Variants in USP6NL observed in about 807,000 individuals in gnomAD.
USP6NL encodes USP6 N-terminal like.
A neutral mutation model predicts 61.9 loss-of-function variants in USP6NL; 26 were observed. That is an observed-to-expected ratio of 0.42 (90% CI 0.31 to 0.58). USP6NL has a LOEUF of 0.58. Among genes scored for constraint, USP6NL ranks in the 20% least tolerant of loss-of-function variants. The pLI is 0.16. For synonymous variants in USP6NL, 432 were observed against 390.1 expected, an observed-to-expected ratio of 1.11 and a Z score of -1.27; for missense variants, 1,114 against 1,034.3, an observed-to-expected ratio of 1.08 and a Z score of -1.06.
intron 13 of USP6NL, among the ~76,000 whole-genome samples, chr10:11,483,645 G>A (rs1833327733): frequency 2.9e-3 from 1 of 340 alleles, no homozygotes; most frequent in African/African-American, 0.011. Context: ...GAGGGGGAGG[G>A]GGAGAGGGGG....
intron 1 of USP6NL, among the ~76,000 whole-genome samples, chr10:11,605,740 C>G (rs544230768): frequency 1.3e-5 from 2 of 152,122 alleles, no homozygotes; most frequent in South Asian, 4.1e-4. Flanking sequence ...CCAGGGAATA[C>G]AGATTAAAAC....
rs1216313809 is a variant in USP6NL at position 11,465,295 on chromosome 10, T to G, written c.1079-1446A>C. On this transcript the variant is annotated intron_variant, in intron 14 of 14. Transcript: ENST00000609104. The surrounding 1 kb of genome is among the most constrained non-coding windows in gnomAD (Gnocchi z 4.5). ...TCAGCCAATCATCAAAACATCCTTT[T>G]CAGGTTAGCAAGAAGAAACCTGATG... is the stretch of plus-strand genomic sequence containing the variant. Among the ~76,000 whole-genome samples the G allele has an allele frequency of 6.6e-6, 1 of 152,180 alleles. No individual in the cohort carries two copies. Among genetic ancestry groups the G allele is most frequent in the African/African-American group, 2.4e-5 (1 of 41,428 alleles).
intron 6 of USP6NL, among the ~76,000 whole-genome samples, chr10:11,507,799 T>C (rs1834521721): frequency 6.6e-6 from 1 of 152,194 alleles, no homozygotes; most frequent in African/African-American, 2.4e-5. Flanking sequence ...ATTCTATGCT[T>C]TACATCAACT....
intron 6 of USP6NL, among the ~76,000 whole-genome samples, chr10:11,503,563 T>G (rs1341319056): frequency 1.3e-5 from 2 of 152,184 alleles, no homozygotes; most frequent in African/African-American, 2.4e-5. Context: ...GAAACATTGA[T>G]ACAGTGTCAC....
Position 11,574,083 on chromosome 10 carries a change from A to G in USP6NL, c.4+23548T>C, listed in dbSNP as rs539435835. ...AAAGTGCTCTGCTATAAATTTTCAC[A>G]GTGCATCACAGATGCTATGTGCAAG... On this transcript the variant is annotated intron_variant, in intron 2 of 14. Transcript: ENST00000609104. The surrounding 1 kb of genome is among the most constrained non-coding windows in gnomAD (Gnocchi z 4.3). Among the ~76,000 whole-genome samples the G allele has an allele frequency of 9.2e-5, 14 of 152,370 alleles. No homozygotes were observed. In the East Asian group the frequency reaches 2.7e-3, roughly 29 times the overall value.
rs1591838250 is a variant in USP6NL at position 11,491,716 on chromosome 10, G to A, written c.495-836C>T. Among the ~76,000 whole-genome samples the A allele has an allele frequency of 6.6e-6, 1 of 152,184 alleles. No homozygotes were observed. The highest frequency in any genetic ancestry group is 1.9e-4 in the East Asian group (1 of 5,198). ...TGGGGCATCTCTTACTAGTATCACT[G>A]AGCCCTGTGATGAAAGTCAATGGAA... On this transcript the variant is annotated intron_variant, in intron 8 of 14. Coordinates refer to ENST00000609104, the MANE Select transcript of USP6NL (RefSeq NM_014688.5). This position sits in a 1 kb window ranked among gnomAD's most constrained non-coding sequence, Gnocchi z 4.7.
Position 11,485,751 on chromosome 10 carries a change from T to C in USP6NL, c.759+66A>G, listed in dbSNP as rs1453478033. The C allele has an allele frequency of 4.7e-6, 5 of 1,065,832 alleles. No individual in the cohort carries two copies. The South Asian group carries it at 7.6e-5, about 16-fold the overall frequency. The allele number at this position is 1,065,832 out of a possible 1,614,324, so 66.0% of individuals were successfully genotyped here. A position where few individuals can be genotyped will look rare whatever the true frequency, so the allele number is the denominator to read the frequency against. On this transcript the variant is annotated intron_variant, in intron 11 of 14. Transcript: ENST00000609104. The surrounding 1 kb of genome is among the most constrained non-coding windows in gnomAD (Gnocchi z 4.8). The stretch of plus-strand genomic sequence containing the variant: ...AATAAGGTAATTGGACCAAAGACAA[T>C]TTAATTATCCCAGCTTTTTTTGGGG...
Position 11,574,806 on chromosome 10 carries a change from T to C in USP6NL, c.4+22825A>G, listed in dbSNP as rs1357331914. Among the ~76,000 whole-genome samples, 2 of 152,198 alleles carry C rather than the reference T, an allele frequency of 1.3e-5. No individual in the cohort carries two copies. The highest frequency in any genetic ancestry group is 2.4e-5 in the African/African-American group (1 of 41,448). On this transcript the variant is annotated intron_variant, in intron 2 of 14. Transcript: ENST00000609104. This position sits in a 1 kb window ranked among gnomAD's most constrained non-coding sequence, Gnocchi z 4.3. Reference sequence around the variant, plus strand: ...AGTTAAAGGCTTGTTATTTTCCCATTTTTCAGCTGGACAACTGAGCACAGT... The same window carrying C: ...AGTTAAAGGCTTGTTATTTTCCCATCTTTCAGCTGGACAACTGAGCACAGT...
intron 1 of USP6NL, among the ~76,000 whole-genome samples, chr10:11,608,722 C>G (rs1252199812): frequency 6.6e-6 from 1 of 152,188 alleles, no homozygotes; most frequent in Non-Finnish European, 1.5e-5. Context: ...TCCTGGGGTA[C>G]ACAGAAGGCA....
Position 11,525,314 on chromosome 10 carries a change from G to T in USP6NL, c.155+72C>A. ...TCACAGCAATTATATTAAAAATAAA[G>T]AAAATCAATATAATAGGTGACCACA... On this transcript the variant is annotated intron_variant, in intron 4 of 14. Coordinates refer to ENST00000609104, the MANE Select transcript of USP6NL (RefSeq NM_014688.5). This position sits in a 1 kb window ranked among gnomAD's most constrained non-coding sequence, Gnocchi z 5.0. The T allele has an allele frequency of 8.0e-7, 1 of 1,242,550 alleles. No homozygotes were observed. The highest frequency in any genetic ancestry group is 1.1e-6 in the Non-Finnish European group (1 of 892,016). 77.0% of individuals were successfully genotyped at this position (1,242,550 alleles called of 1,614,324 possible).
intron 2 of USP6NL, among the ~76,000 whole-genome samples, chr10:11,586,017 A>G (rs1421466754): frequency 6.6e-6 from 1 of 152,212 alleles, no homozygotes; most frequent in African/African-American, 2.4e-5. Context: ...TTGCACAACA[A>G]TATTAATGTA....
intron 6 of USP6NL, among the ~76,000 whole-genome samples, chr10:11,501,555 TA>T (rs1485278232): frequency 2.0e-5 from 3 of 152,198 alleles, no homozygotes; most frequent in Admixed American, 1.3e-4. Flanking sequence ...ATGGTATAAT[TA>T]ACTTCTTACA....
At chr10:11,498,424 T>C (rs550220936) in intron 7 of USP6NL, among the ~76,000 whole-genome samples, 7 of 150,960 alleles carry the variant, frequency 4.6e-5, no homozygotes, top group African/African-American at 1.7e-4. Context: ...GGAAAACATA[T>C]TAGATGGGAG....
At position 11,518,495 on chromosome 10, in the gene USP6NL, A is replaced by AG; in HGVS notation, c.195+39_195+40insC. ...CAATTTTATTCTTCTAATAAAGGCAATTCACCAGTAACTGTAAATACATCA... is the reference window on the plus strand; with the variant it reads ...CAATTTTATTCTTCTAATAAAGGCAAGTTCACCAGTAACTGTAAATACATCA... On this transcript the variant is annotated intron_variant, in intron 5 of 14. Transcript: ENST00000609104. The surrounding 1 kb of genome is among the most constrained non-coding windows in gnomAD (Gnocchi z 5.3). The AG allele has an allele frequency of 6.3e-7, 1 of 1,580,704 alleles. No individual in the cohort carries two copies. Among genetic ancestry groups the AG allele is most frequent in the African/African-American group, 1.3e-5 (1 of 74,150 alleles).
intron 2 of USP6NL, among the ~76,000 whole-genome samples, chr10:11,578,620 A>T (rs1391139168): frequency 2.7e-5 from 4 of 150,660 alleles, no homozygotes; most frequent in Non-Finnish European, 4.5e-5. Flanking sequence ...TAAAAAAAAT[A>T]AATCAAAATT....
chr10:11,525,611 A>T lies in USP6NL; in HGVS notation c.73-143T>A, dbSNP rs1835383077. On this transcript the variant is annotated intron_variant, in intron 3 of 14. Coordinates refer to ENST00000609104, the MANE Select transcript of USP6NL (RefSeq NM_014688.5). This position sits in a 1 kb window ranked among gnomAD's most constrained non-coding sequence, Gnocchi z 5.0. ...GAAGTGAGGCATTATGAGCCTTAAC[A>T]TTTTTTTTTCCCCTTTAAACCCAAC... 3 of 702,684 alleles carry T rather than the reference A, an allele frequency of 4.3e-6. No individual in the cohort carries two copies. Among genetic ancestry groups the T allele is most frequent in the East Asian group, 3.3e-5 (1 of 30,020 alleles). 43.5% of individuals were successfully genotyped at this position (702,684 alleles called of 1,614,324 possible).
intron 2 of USP6NL, among the ~76,000 whole-genome samples, chr10:11,572,628 T>A (rs1009225433): frequency 4.6e-5 from 7 of 152,136 alleles, no homozygotes; most frequent in Non-Finnish European, 7.4e-5. Context: ...TAAGCTTTAC[T>A]TTAAAACACA....
chr10:11,515,106 T>C (rs1834898690), intron 5 of USP6NL, among the ~76,000 whole-genome samples: 1 of 152,232 alleles, frequency 6.6e-6, no homozygotes, highest in Non-Finnish European at 1.5e-5. Context: ...ATATCTTCTT[T>C]GTTACCTCTC....
chr10:11,556,983 G>A (rs1217529004), intron 2 of USP6NL, among the ~76,000 whole-genome samples: 1 of 152,076 alleles, frequency 6.6e-6, no homozygotes, highest in African/African-American at 2.4e-5. Context: ...AAAGCCCACT[G>A]ACCACTTCGC....
Sources: gnomAD v4.1 joint callset for allele counts (sites outside exome capture counted in the v4.1 genomes callset) on GRCh38, gnomAD v4.1.1 for gene constraint, Gnocchi (gnomAD v3.1) non-coding constraint, MANE v1.5 for transcripts, NCBI Gene and HGNC (gene_info 2026-07-23, HGNC 2026-07-21) for gene names.